The following EIF4G3 variants were observed in gnomAD, a reference collection of about 807,000 sequenced individuals.
EIF4G3 encodes eukaryotic translation initiation factor 4 gamma 3, also known as eIF-4-gamma 3.
EIF4G3 carries 34 observed loss-of-function variants against 186.4 expected under a neutral mutation model. That is an observed-to-expected ratio of 0.18 (90% CI 0.14 to 0.24). The LOEUF is 0.24. EIF4G3 is among the 10% of genes least tolerant of loss of function. EIF4G3 has a pLI of 1.00. For synonymous variants in EIF4G3, 673 were observed against 679.5 expected (o/e 0.99, Z 0.15); for missense variants, 1,536 against 1,948.5 (o/e 0.79, Z 3.99).
Position 21,083,935 on chromosome 1 carries a change from G to A in EIF4G3, c.-196+5203C>T, listed in dbSNP as rs116697726. Among the ~76,000 whole-genome samples, 129 of 151,760 alleles carry A rather than the reference G, an allele frequency of 8.5e-4. 1 individual carries two copies. The highest frequency in any genetic ancestry group is 2.1e-3 in the African/African-American group (88 of 41,342). ...CTCAGTTGCCCAAACCAAGATCTAC[G>A]ACACCACCTTTACTCTTTTCTCTCA... On this transcript the variant is annotated intron_variant, in intron 3 of 36. Transcript: ENST00000602326.
chr1:20,842,994 C>T (rs1207231654), intron 29 of EIF4G3, among the ~76,000 whole-genome samples: 3 of 152,058 alleles, frequency 2.0e-5, no homozygotes, highest in East Asian at 1.9e-4. Context: ...ACAGGCATGC[C>T]ACCATGCCCG....
chr1:21,169,278 C>T (rs1384339000), intron 2 of EIF4G3, among the ~76,000 whole-genome samples: 1 of 152,048 alleles, frequency 6.6e-6, no homozygotes, highest in Non-Finnish European at 1.5e-5. Context: ...TGGTGAAACC[C>T]CACCTCTACC....
At position 21,089,318 on chromosome 1, in the gene EIF4G3, A is replaced by G. The variant is rs913661623; in HGVS notation, c.-271-105T>C. On this transcript the variant is annotated intron_variant, in intron 2 of 36. Coordinates refer to ENST00000602326, the MANE Select transcript of EIF4G3 (RefSeq NM_001391906.1). Reference sequence around the variant, plus strand: ...CCAACGACCTAAGCATTTTCACCCAATTAGTGAGTTATATACTTCTCCACT... The same window carrying G: ...CCAACGACCTAAGCATTTTCACCCAGTTAGTGAGTTATATACTTCTCCACT... 4.5e-6 allele frequency: 3 copies of G among 666,860 alleles called. No homozygotes were observed. The African/African-American group carries it at 5.4e-5, about 12-fold the overall frequency. The allele number at this position is 666,860 out of a possible 1,614,324, so 41.3% of individuals were successfully genotyped here.
At chr1:20,974,520 G>A (rs1180231442) in intron 10 of EIF4G3, among the ~76,000 whole-genome samples, 1 of 152,226 alleles carries the variant, frequency 6.6e-6, no homozygotes, top group Non-Finnish European at 1.5e-5. Flanking sequence ...TTTGGGCAGA[G>A]AGGTGAAGAG....
intron 2 of EIF4G3, among the ~76,000 whole-genome samples, chr1:21,114,957 G>A (rs1212236259): frequency 6.6e-6 from 1 of 152,130 alleles, no homozygotes; most frequent in Non-Finnish European, 1.5e-5. Flanking sequence ...AAGGCCAGGA[G>A]TTCTAGACCA....
intron 2 of EIF4G3, among the ~76,000 whole-genome samples, chr1:21,172,785 T>C (rs1051574297): frequency 1.1e-4 from 16 of 149,256 alleles, no homozygotes; most frequent in African/African-American, 4.0e-4. Context: ...CCTGATCTCA[T>C]GATCTGCCCA....
intron 14 of EIF4G3, among the ~76,000 whole-genome samples, chr1:20,917,949 T>C (rs1157358997): frequency 6.6e-6 from 1 of 152,212 alleles, no homozygotes; most frequent in African/African-American, 2.4e-5. Flanking sequence ...ATTTTTCCGT[T>C]TACAAAGGTA....
intron 2 of EIF4G3, among the ~76,000 whole-genome samples, chr1:21,165,978 G>C (rs970356973): frequency 6.6e-6 from 1 of 150,972 alleles, no homozygotes; most frequent in South Asian, 2.1e-4. Flanking sequence ...TCCATTCCAA[G>C]CACACAGATC....
chr1:21,059,612 T>C (rs1280227589), intron 3 of EIF4G3, among the ~76,000 whole-genome samples: 4 of 151,996 alleles, frequency 2.6e-5, no homozygotes, highest in Non-Finnish European at 4.4e-5. Flanking sequence ...ACTTAATAGG[T>C]TGAATTACAT....
At chr1:20,918,696 A>G (rs10916902) in intron 14 of EIF4G3, among the ~76,000 whole-genome samples, 4,444 of 127,520 alleles carry the variant, frequency 0.035, 244 homozygotes, top group African/African-American at 0.12. Context: ...ATATCCTCCT[A>G]GTATCTTTTT....
At chr1:21,014,465 C>T (rs1447900406) in intron 4 of EIF4G3, among the ~76,000 whole-genome samples, 1 of 152,052 alleles carries the variant, frequency 6.6e-6, no homozygotes, top group African/African-American at 2.4e-5. Context: ...GATTCTCACC[C>T]TCCTCCCACC....
intron 3 of EIF4G3, among the ~76,000 whole-genome samples, chr1:21,072,355 G>A (rs1423555990): frequency 6.6e-6 from 1 of 152,098 alleles, no homozygotes; most frequent in East Asian, 1.9e-4. Context: ...GCAACATAGG[G>A]AGATCCCATG....
intron 3 of EIF4G3, among the ~76,000 whole-genome samples, chr1:21,058,032 A>C (rs1380749363): frequency 6.6e-6 from 1 of 152,240 alleles, no homozygotes; most frequent in Non-Finnish European, 1.5e-5. Flanking sequence ...AAGTTTATTT[A>C]TCTAGCACTA....
Position 20,822,306 on chromosome 1 carries a change from C to T in EIF4G3, c.4368+2794G>A, listed in dbSNP as rs190068090. 4.0e-5 allele frequency among the ~76,000 whole-genome samples: 6 copies of T among 149,684 alleles called. No individual in the cohort carries two copies. In the East Asian group the frequency reaches 7.8e-4, roughly 20 times the overall value. ...TACCTTCTTTTCAAACTTTTTTTCA[C>T]GATCAATCTGGCTAGAGGTTTATCA... On this transcript the variant is annotated intron_variant, in intron 33 of 36. Transcript: ENST00000602326.
intron 4 of EIF4G3, 44 bp from the exon 5 acceptor site, chr1:21,002,852 TGG>T: frequency 8.8e-7 from 1 of 1,135,576 alleles, no homozygotes; most frequent in Non-Finnish European, 1.3e-6. Flanking sequence ...TGAAAAAATA[TGG>T]CATGGCAATT....
At chr1:20,815,601 G>A (rs1466210243) in intron 34 of EIF4G3, among the ~76,000 whole-genome samples, 1 of 151,928 alleles carries the variant, frequency 6.6e-6, no homozygotes, top group Admixed American at 6.5e-5. Flanking sequence ...CCCCGTCTGG[G>A]AAGTGAGGAG....
intron 2 of EIF4G3, among the ~76,000 whole-genome samples, chr1:21,150,996 G>C (rs1161081118): frequency 6.6e-6 from 1 of 151,952 alleles, no homozygotes; most frequent in Non-Finnish European, 1.5e-5. Flanking sequence ...AATAAATAAA[G>C]TGATTAAACA....
Position 21,176,328 on chromosome 1 carries a change from C to T in EIF4G3, c.-425G>A. 3.9e-6 allele frequency: 1 copy of T among 256,036 alleles called. No individual in the cohort carries two copies. The highest frequency in any genetic ancestry group is 7.1e-6 in the Non-Finnish European group (1 of 140,940). The allele number at this position is 256,036 out of a possible 1,614,324, so 15.9% of individuals were successfully genotyped here. On this transcript the variant is annotated 5_prime_UTR_variant, in exon 2 of 37. Coordinates refer to ENST00000602326, the MANE Select transcript of EIF4G3 (RefSeq NM_001391906.1). ...TGCCGCCGCCGCCGCCGCTCCGGTG[C>T]CGGGTCCGGTTCCTGCTGCAGTCGC...
chr1:21,064,196 T>TGCC (rs958092533), intron 3 of EIF4G3, among the ~76,000 whole-genome samples: 3 of 152,032 alleles, frequency 2.0e-5, no homozygotes, highest in Admixed American at 2.0e-4. Context: ...CTATCCTTTG[T>TGCC]GCCCTGCAGC....
Sources: gnomAD v4.1 joint callset for allele counts (sites outside exome capture counted in the v4.1 genomes callset) on GRCh38, gnomAD v4.1.1 for gene constraint, MANE v1.5 for transcripts, NCBI Gene and HGNC (gene_info 2026-07-23, HGNC 2026-07-21) for gene names.